ZNF107: variants seen among roughly 807,000 people sequenced by gnomAD.
ZNF107 encodes zinc finger protein 107, also known as C2H2 type zinc-finger protein.
In ZNF107, 19 loss-of-function variants were observed where a neutral mutation model predicts 12.3. That is an observed-to-expected ratio of 1.55 (90% CI 1.08 to 2.27). The LOEUF is 2.27. Ranked by LOEUF, ZNF107 falls within the 30% of genes most tolerant of loss-of-function variation. ZNF107 has a pLI of 0.00. For synonymous variants in ZNF107, 317 were observed against 330.5 expected, an observed-to-expected ratio of 0.96 and a Z score of 0.44; for missense variants, 958 against 979.9, an observed-to-expected ratio of 0.98 and a Z score of 0.30.
rs1240035766 is a variant in ZNF107, at chr7:64,707,988, A to G, written c.1891A>G (p.Asn631Asp). The G allele has an allele frequency of 6.2e-7, 1 of 1,613,494 alleles. No individual in the cohort carries two copies. The highest frequency in any genetic ancestry group is 1.7e-5 in the Admixed American group (1 of 59,950). Reference protein sequence around the residue: ...YKCEEHGKVFNQSSNLTTQKI... With the variant: ...YKCEEHGKVFDQSSNLTTQKI... ...ATGTGAAGAACATGGCAAAGTTTTTAACCAGTCCTCAAACCTTACTACACA... is the reference window on the plus strand; with the variant it reads ...ATGTGAAGAACATGGCAAAGTTTTTGACCAGTCCTCAAACCTTACTACACA... The change falls in exon 4 of 4, where the codon AAC becomes GAC. Residue 631 changes from asparagine to aspartate, a missense_variant. Physicochemically the swap from Asn to Asp is conservative, Grantham distance 23. Coordinates refer to ENST00000620827, the MANE Select transcript of ZNF107 (RefSeq NM_001282359.2).
At chr7:64,696,139 G>A (rs534579215) in intron 3 of ZNF107, among the ~76,000 whole-genome samples, 31 of 151,340 alleles carry the variant, frequency 2.0e-4, no homozygotes, top group African/African-American at 5.8e-4. Context: ...TGCAACCTCC[G>A]CCTCCCAGGT....
At chr7:64,683,697 C>T (rs945322133) in intron 1 of ZNF107, among the ~76,000 whole-genome samples, 6 of 152,090 alleles carry the variant, frequency 3.9e-5, no homozygotes, top group African/African-American at 7.2e-5. Context: ...CATGGAAGTC[C>T]GTCCTTAAAC....
chr7:64,675,720 A>G (rs1417750915), intron 1 of ZNF107, among the ~76,000 whole-genome samples: 2 of 152,134 alleles, frequency 1.3e-5, no homozygotes, highest in Non-Finnish European at 2.9e-5. Context: ...TAACTTTTTA[A>G]TGTGAACATT....
intron 1 of ZNF107, among the ~76,000 whole-genome samples, chr7:64,673,761 AGGTATC>A (rs1225057041): frequency 6.6e-6 from 1 of 152,226 alleles, no homozygotes; most frequent in Non-Finnish European, 1.5e-5. Context: ...GGTGTAGGAA[AGGTATC>A]CACTTTCAAT....
Position 64,707,919 on chromosome 7 carries a change from C to G in ZNF107, c.1822C>G (p.Arg608Gly). The G allele has an allele frequency of 1.2e-6, 2 of 1,613,442 alleles. No homozygotes were observed. Among genetic ancestry groups the G allele is most frequent in the Non-Finnish European group, 1.7e-6 (2 of 1,179,724 alleles). ...CAAGGCCTTTAAACAGTCCTCACAC[C>G]GTACTATACATAAAATTATTCATAC... ...FGKAFKQSSH[R>G]TIHKIIHTGE... is the part of the protein sequence containing the mutation. The change falls in exon 4 of 4, where the codon CGT (arginine) becomes GGT (glycine). Residue 608 changes from arginine to glycine, a missense_variant. Physicochemically the swap from Arg to Gly is moderately radical, Grantham distance 125 (BLOSUM62 -2). Transcript: ENST00000620827.
chr7:64,701,030 A>G lies in ZNF107; in HGVS notation c.227-5294A>G, dbSNP rs369741587. 3.3e-5 allele frequency among the ~76,000 whole-genome samples: 5 copies of G among 152,300 alleles called. No individual in the cohort carries two copies. In the East Asian group the frequency reaches 9.6e-4, roughly 29 times the overall value. ...TCATTTTTGTCAGTATTTTCTTTATATATTTTGAAGCCCTATTGTTATATA... is the reference window on the plus strand; with the variant it reads ...TCATTTTTGTCAGTATTTTCTTTATGTATTTTGAAGCCCTATTGTTATATA... On this transcript the variant is annotated intron_variant, in intron 3 of 3. Coordinates refer to ENST00000620827, the MANE Select transcript of ZNF107 (RefSeq NM_001282359.2).
chr7:64,705,200 T>C (rs1036281837), intron 3 of ZNF107, among the ~76,000 whole-genome samples: 1 of 152,168 alleles, frequency 6.6e-6, no homozygotes, highest in African/African-American at 2.4e-5. Flanking sequence ...TGTCTGTGAC[T>C]TTTGAAATTT....
chr7:64,699,998 C>A (rs1325613157), intron 3 of ZNF107, among the ~76,000 whole-genome samples: 2 of 131,408 alleles, frequency 1.5e-5, no homozygotes, highest in African/African-American at 5.8e-5. Context: ...ACTCAGGAGG[C>A]GGAGCTTGCA....
At chr7:64,691,172 A>AT in intron 1 of ZNF107, 76 bp from the exon 2 acceptor site, 1 of 1,285,970 alleles carries the variant, frequency 7.8e-7, no homozygotes, top group East Asian at 3.6e-5. Flanking sequence ...GTACCCGACT[A>AT]TCCTATACAT....
chr7:64,685,525 T>C (rs1789873645), intron 1 of ZNF107, among the ~76,000 whole-genome samples: 1 of 152,100 alleles, frequency 6.6e-6, no homozygotes, highest in South Asian at 2.1e-4. Flanking sequence ...CCTTATCCCC[T>C]CTTTCGATTA....
intron 1 of ZNF107, among the ~76,000 whole-genome samples, chr7:64,667,102 A>C (rs1789034295): frequency 6.6e-6 from 1 of 152,154 alleles, no homozygotes; most frequent in East Asian, 1.9e-4. Context: ...TTATTTTCAC[A>C]CTCCACAGGG....
In ZNF107 at chr7:64,708,252, A is replaced by G. The variant is rs531511138; in HGVS notation, c.2155A>G (p.Thr719Ala). The part of the protein sequence containing the change: ...ECGKAFNCSS[T>A]LNRHKIIHTG... The stretch of plus-strand genomic sequence containing the variant: ...TGGCAAAGCCTTTAACTGCTCCTCA[A>G]CCCTTAATAGACATAAGATAATTCA... Residue 719 changes from threonine to alanine, a missense_variant, in exon 4 of 4, where the codon ACC becomes GCC. Physicochemically the swap from Thr to Ala is moderately conservative, Grantham distance 58 (BLOSUM62 0). Transcript: ENST00000620827. 3 of 1,613,582 alleles carry G rather than the reference A, an allele frequency of 1.9e-6. No individual in the cohort carries two copies. Among genetic ancestry groups the G allele is most frequent in the Admixed American group, 1.7e-5 (1 of 59,946 alleles).
At chr7:64,680,980 G>C (rs1291586761) in intron 1 of ZNF107, among the ~76,000 whole-genome samples, 1 of 152,134 alleles carries the variant, frequency 6.6e-6, no homozygotes, top group Non-Finnish European at 1.5e-5. Flanking sequence ...TAGTCACTGG[G>C]CCAAGGAATG....
chr7:64,691,318 A>C lies in ZNF107; in HGVS notation c.74A>C (p.Gln25Pro). The C allele has an allele frequency of 6.5e-7, 1 of 1,546,606 alleles. No individual in the cohort carries two copies. Among genetic ancestry groups the C allele is most frequent in the Non-Finnish European group, 8.7e-7 (1 of 1,148,728 alleles). The change falls in exon 2 of 4, where the codon CAG becomes CCG. Residue 25 changes from glutamine to proline, a missense_variant. Gln to Pro is a moderately conservative substitution (Grantham distance 76, BLOSUM62 -1). Transcript: ENST00000620827. ...LEEWQCLDTA[Q>P]RDLYRNVLLE... ...GAGTGGCAATGCCTGGATACTGCAC[A>C]GCGGGATTTATATAGGAATGTGTTG...
chr7:64,681,136 G>T (rs1226618520), intron 1 of ZNF107, among the ~76,000 whole-genome samples: 1 of 152,070 alleles, frequency 6.6e-6, no homozygotes, highest in Non-Finnish European at 1.5e-5. Context: ...TGATCTCCTC[G>T]GCTTGGCGGC....
At position 64,707,363 on chromosome 7, in the gene ZNF107, G is replaced by A. The variant is rs1394101860; in HGVS notation, c.1266G>A (p.Glu422=). The change falls in exon 4 of 4, where the codon GAG becomes GAA. Residue 422 remains glutamate (E), a synonymous_variant. Transcript: ENST00000620827. ...LTRHKIIHTG[E]KPYKCKECGK... is the part of the protein sequence containing the mutation. ...GACATAAGATAATTCATACTGGAGA[G>A]AAACCCTACAAATGTAAAGAATGTG... The A allele has an allele frequency of 1.2e-6, 2 of 1,613,306 alleles. No homozygotes were observed. The highest frequency in any genetic ancestry group is 1.3e-5 in the African/African-American group (1 of 74,994).
chr7:64,711,171 A>G lies in ZNF107; in HGVS notation c.*2515A>G, dbSNP rs573162822. On this transcript the variant is annotated 3_prime_UTR_variant, in exon 4 of 4. Transcript: ENST00000620827. ...GGTTTAGGTAAAAGAGGGTAACAGT[A>G]TACTACTTGATAACATAATGGGCTA... 3 of 152,332 alleles carry G rather than the reference A, an allele frequency of 2.0e-5. No individual in the cohort carries two copies. In the East Asian group the frequency reaches 5.8e-4, roughly 29 times the overall value. The allele number at this position is 152,332 out of a possible 1,614,324, so 9.4% of individuals were successfully genotyped here.
chr7:64,679,568 TC>T (rs558374223), intron 1 of ZNF107, among the ~76,000 whole-genome samples: 1 of 152,112 alleles, frequency 6.6e-6, no homozygotes, highest in Non-Finnish European at 1.5e-5. Flanking sequence ...CGTTTCTCTC[TC>T]CCTGTCTCTC....
At chr7:64,673,334 A>T (rs565871489) in intron 1 of ZNF107, among the ~76,000 whole-genome samples, 1 of 152,280 alleles carries the variant, frequency 6.6e-6, no homozygotes, top group African/African-American at 2.4e-5. Flanking sequence ...GAGCCACCGC[A>T]CCTGACAGAG....
Sources: allele counts gnomAD v4.1 joint callset (sites outside exome capture counted in the v4.1 genomes callset), GRCh38; gene constraint gnomAD v4.1.1; transcripts MANE v1.5; gene names NCBI Gene and HGNC (gene_info 2026-07-23, HGNC 2026-07-21).